Variants in CNTN4 observed in about 807,000 individuals in gnomAD.
CNTN4 encodes contactin 4.
In CNTN4, 77 loss-of-function variants were observed where a neutral mutation model predicts 122.5. The observed-to-expected ratio is 0.63, with a 90% confidence interval of 0.52 to 0.76. The LOEUF is 0.76. Among genes scored for constraint, CNTN4 ranks in the 30% least tolerant of loss-of-function variants. The pLI is 0.00. For missense variants in CNTN4, 1,256 were observed against 1,259.1 expected, an observed-to-expected ratio of 1.00 and a Z score of 0.04; for synonymous variants, 512 against 447.0, an observed-to-expected ratio of 1.15 and a Z score of -1.83.
At chr3:2,819,441 A>T in intron 6 of CNTN4, 45 bp from the exon 7 acceptor site, 1 of 1,419,752 alleles carries the variant, frequency 7.0e-7, no homozygotes, top group Non-Finnish European at 1.0e-6. Flanking sequence ...TTGATATCTT[A>T]GGACTTTAAA....
At chr3:2,904,913 C>G (rs1026176675) in intron 12 of CNTN4, among the ~76,000 whole-genome samples, 3 of 151,942 alleles carry the variant, frequency 2.0e-5, no homozygotes, top group African/African-American at 7.3e-5. Flanking sequence ...TTGTAGATCC[C>G]TTTATTAAAA....
intron 3 of CNTN4, among the ~76,000 whole-genome samples, chr3:2,555,615 T>G (rs2078687158): frequency 6.6e-6 from 1 of 152,140 alleles, no homozygotes; most frequent in Non-Finnish European, 1.5e-5. Context: ...AGCTACAAAT[T>G]TGAAGCTAAT....
intron 2 of CNTN4, among the ~76,000 whole-genome samples, chr3:2,161,825 T>G (rs1210576863): frequency 6.6e-6 from 1 of 152,194 alleles, no homozygotes; most frequent in East Asian, 1.9e-4. Context: ...AATTCCTGTT[T>G]CTTGCTGTTT....
intron 15 of CNTN4, 70 bp from the exon 16 acceptor site, chr3:3,030,785 T>C: frequency 6.5e-7 from 1 of 1,528,732 alleles, no homozygotes; most frequent in Non-Finnish European, 9.1e-7. Flanking sequence ...AGTCACCGTG[T>C]CCTTCATGTG....
At chr3:2,714,202 A>T (rs1047515300) in intron 4 of CNTN4, among the ~76,000 whole-genome samples, 2 of 152,164 alleles carry the variant, frequency 1.3e-5, no homozygotes, top group African/African-American at 4.8e-5. Flanking sequence ...ATTTTTTTAA[A>T]AAAATCAGTA....
At chr3:2,902,268 C>T (rs2094182809) in intron 11 of CNTN4, among the ~76,000 whole-genome samples, 1 of 152,100 alleles carries the variant, frequency 6.6e-6, no homozygotes, top group Non-Finnish European at 1.5e-5. Context: ...GGAGGATCTC[C>T]TGTGCCACGT....
intron 3 of CNTN4, among the ~76,000 whole-genome samples, chr3:2,522,149 TTGTG>T (rs71621496): frequency 0.037 from 2,354 of 63,384 alleles, 45 homozygotes; most frequent in South Asian, 0.12. Context: ...CCTAAGCAGT[TTGTG>T]TGTGTGTGTG....
chr3:2,312,596 C>T lies in CNTN4; in HGVS notation c.-144-26582C>T, dbSNP rs559563289. On this transcript the variant is annotated intron_variant, in intron 2 of 24. Transcript: ENST00000418658. ...AACACATGCCTCTCTATGTGACATCCATTGTGACACAGATGGTTTGGTCCT... is the reference window on the plus strand; with the variant it reads ...AACACATGCCTCTCTATGTGACATCTATTGTGACACAGATGGTTTGGTCCT... Among the ~76,000 whole-genome samples the T allele has an allele frequency of 2.6e-5, 4 of 152,126 alleles. No homozygotes were observed. In the South Asian group the frequency reaches 8.3e-4, roughly 32 times the overall value.
chr3:2,652,482 G>C (rs1470886511), intron 4 of CNTN4, among the ~76,000 whole-genome samples: 2 of 152,166 alleles, frequency 1.3e-5, no homozygotes, highest in African/African-American at 2.4e-5. Flanking sequence ...GGGGACTGCT[G>C]TGCAGCTGCT....
intron 3 of CNTN4, among the ~76,000 whole-genome samples, chr3:2,344,673 C>A (rs2044335903): frequency 6.6e-6 from 1 of 152,120 alleles, no homozygotes; most frequent in Non-Finnish European, 1.5e-5. Context: ...AAATATTTTA[C>A]TGACTACCTC....
chr3:2,577,511 G>A (rs999171703), intron 4 of CNTN4, among the ~76,000 whole-genome samples: 2 of 152,156 alleles, frequency 1.3e-5, no homozygotes, highest in African/African-American at 4.8e-5. Context: ...TTGTACCTAA[G>A]ATTCAGCTTA....
chr3:2,954,329 T>A (rs2094776713), intron 13 of CNTN4, among the ~76,000 whole-genome samples: 2 of 152,204 alleles, frequency 1.3e-5, no homozygotes, highest in African/African-American at 4.8e-5. Flanking sequence ...TTATGAAAGT[T>A]GTCCTCCAGT....
chr3:2,562,158 G>A (rs1178644335), intron 3 of CNTN4, among the ~76,000 whole-genome samples: 1 of 152,102 alleles, frequency 6.6e-6, no homozygotes, highest in Non-Finnish European at 1.5e-5. Context: ...TAATAATAAG[G>A]CTACATATAC....
rs974858368 is a variant in CNTN4, at chr3:2,850,331, A to G, written c.455-16421A>G. 5.9e-5 allele frequency among the ~76,000 whole-genome samples: 9 copies of G among 152,354 alleles called. 2 individuals carry two copies. The highest frequency in any genetic ancestry group is 3.9e-4 in the East Asian group (2 of 5,186). On this transcript the variant is annotated intron_variant, in intron 7 of 24. Coordinates refer to ENST00000418658, the MANE Select transcript of CNTN4 (RefSeq NM_175607.3). ...GTTCTACAGTAGCATGGTAAACAGA[A>G]CACAGCTATTTTCCAGATCTTTCCA...
At chr3:2,446,932 A>G (rs2048646319) in intron 3 of CNTN4, among the ~76,000 whole-genome samples, 1 of 152,192 alleles carries the variant, frequency 6.6e-6, no homozygotes. Flanking sequence ...AGGATCATAT[A>G]CTAGTAAACT....
chr3:2,599,765 G>A (rs1176704566), intron 4 of CNTN4, among the ~76,000 whole-genome samples: 1 of 152,120 alleles, frequency 6.6e-6, no homozygotes, highest in Non-Finnish European at 1.5e-5. Flanking sequence ...TATTGCATTA[G>A]AGAGTGTATT....
intron 3 of CNTN4, among the ~76,000 whole-genome samples, chr3:2,521,477 C>T (rs2077217816): frequency 6.6e-6 from 1 of 151,824 alleles, no homozygotes; most frequent in African/African-American, 2.4e-5. Context: ...AGCCATCCCT[C>T]CCTAGGACAT....
Position 2,356,326 on chromosome 3 carries a change from A to G in CNTN4, c.-89+17093A>G, listed in dbSNP as rs190578590. On this transcript the variant is annotated intron_variant, in intron 3 of 24. Transcript: ENST00000418658. ...ATTTTTATGGTTATTTCTTGATTAT[A>G]TTTTAAACAAGGGGTGGATTATTCA... Among the ~76,000 whole-genome samples the G allele has an allele frequency of 6.1e-3, 936 of 152,272 alleles. 6 individuals carry two copies. Among genetic ancestry groups the G allele is most frequent in the Non-Finnish European group, 0.011 (727 of 68,008 alleles).
intron 6 of CNTN4, among the ~76,000 whole-genome samples, chr3:2,753,603 T>C (rs1179702118): frequency 6.6e-6 from 1 of 152,224 alleles, no homozygotes; most frequent in Non-Finnish European, 1.5e-5. Context: ...ATGCCTGTTA[T>C]ATGGCATTTT....
Sources: gnomAD v4.1 joint callset for allele counts (sites outside exome capture counted in the v4.1 genomes callset) on GRCh38, gnomAD v4.1.1 for gene constraint, MANE v1.5 for transcripts, NCBI Gene and HGNC (gene_info 2026-07-23, HGNC 2026-07-21) for gene names.